KHDRBS2: variants seen among roughly 807,000 people sequenced by gnomAD.
The protein encoded by KHDRBS2 is KH RNA binding domain containing, signal transduction associated 2, also known as KH domain-containing, RNA-binding, signal transduction-associated protein 2.
In KHDRBS2, 26 loss-of-function variants were observed where a neutral mutation model predicts 44.3. That is an observed-to-expected ratio of 0.59 (90% CI 0.43 to 0.81). The LOEUF (loss-of-function observed/expected upper bound fraction) is 0.81, where lower values mean the gene tolerates loss of function less well. KHDRBS2 is among the 40% of genes least tolerant of loss of function. The pLI, the probability that KHDRBS2 is intolerant of heterozygous loss-of-function variation, is 0.00. For missense variants in KHDRBS2, 476 were observed against 433.1 expected (o/e 1.10, Z -0.88); for synonymous variants, 194 against 151.1 (o/e 1.28, Z -2.08).
chr6:61,615,288 G>A, the KHDRBS2 span, among the ~76,000 whole-genome samples: 1 of 145,814 alleles, frequency 6.9e-6, no homozygotes, highest in African/African-American at 2.5e-5. Flanking sequence ...GAAGAAATGA[G>A]TTACTAGTTA....
chr6:61,965,715 C>A (rs1426498305), intron 4 of KHDRBS2, among the ~76,000 whole-genome samples: 2 of 151,712 alleles, frequency 1.3e-5, no homozygotes, highest in African/African-American at 4.8e-5. Context: ...TATGGAGATT[C>A]TGGACTATGG....
chr6:61,990,531 TTC>T (rs1189529815), intron 3 of KHDRBS2, among the ~76,000 whole-genome samples: 1 of 152,130 alleles, frequency 6.6e-6, no homozygotes, highest in African/African-American at 2.4e-5. Flanking sequence ...TCATACAAGC[TTC>T]TAGAAGTAGA....
the KHDRBS2 span, among the ~76,000 whole-genome samples, chr6:61,582,163 G>A: frequency 6.6e-6 from 1 of 151,706 alleles, no homozygotes; most frequent in Non-Finnish European, 1.5e-5. Context: ...GGTAATATGT[G>A]AGCTAAGCAT....
At chr6:61,887,662 G>A (rs1464607010) in intron 6 of KHDRBS2, among the ~76,000 whole-genome samples, 1 of 152,196 alleles carries the variant, frequency 6.6e-6, no homozygotes, top group Non-Finnish European at 1.5e-5. Context: ...GGAGAAAGAA[G>A]TCTGAAGAGT....
the KHDRBS2 span, among the ~76,000 whole-genome samples, chr6:61,558,800 T>C: frequency 1.3e-5 from 2 of 152,230 alleles, no homozygotes; most frequent in Non-Finnish European, 2.9e-5. Flanking sequence ...AATTTCATTA[T>C]TTTTGAATTG....
chr6:61,972,164 T>C (rs1516709), intron 4 of KHDRBS2, among the ~76,000 whole-genome samples: 31,125 of 152,148 alleles, frequency 0.2, 3,436 homozygotes, highest in Admixed American at 0.3. Flanking sequence ...TGTTGACATA[T>C]GATTATTATG....
At chr6:61,601,022 T>C in the KHDRBS2 span, among the ~76,000 whole-genome samples, 1 of 152,164 alleles carries the variant, frequency 6.6e-6, no homozygotes, top group Non-Finnish European at 1.5e-5. Flanking sequence ...GCCTGATTAT[T>C]CACCCACATT....
At chr6:62,005,607 G>C (rs542697523) in intron 3 of KHDRBS2, among the ~76,000 whole-genome samples, 2 of 151,004 alleles carry the variant, frequency 1.3e-5, no homozygotes, top group African/African-American at 4.8e-5. Flanking sequence ...TTAAATAATA[G>C]TAACACTAAA....
intron 2 of KHDRBS2, among the ~76,000 whole-genome samples, chr6:62,149,944 T>G (rs574367516): frequency 6.6e-6 from 1 of 152,300 alleles, no homozygotes; most frequent in South Asian, 2.1e-4. Flanking sequence ...CTCCTTTTTT[T>G]TCATGTGTGA....
intron 4 of KHDRBS2, among the ~76,000 whole-genome samples, chr6:61,940,687 C>T (rs185014244): frequency 3.7e-4 from 56 of 152,236 alleles, no homozygotes; most frequent in African/African-American, 9.6e-4. Flanking sequence ...TGTCCTGGAG[C>T]CCAGTGATGC....
At chr6:61,692,769 C>T (rs2127542311) in intron 8 of KHDRBS2, among the ~76,000 whole-genome samples, 1 of 152,178 alleles carries the variant, frequency 6.6e-6, no homozygotes, top group South Asian at 2.1e-4. Context: ...CAGAACCCTG[C>T]CATTCGGGAG....
chr6:61,649,077 G>C, the KHDRBS2 span, among the ~76,000 whole-genome samples: 1 of 152,136 alleles, frequency 6.6e-6, no homozygotes, highest in African/African-American at 2.4e-5. Context: ...TCACGTGGAG[G>C]AAGTCCTTCA....
intron 1 of KHDRBS2, among the ~76,000 whole-genome samples, chr6:62,210,045 C>T (rs1048514249): frequency 9.9e-5 from 15 of 152,038 alleles, no homozygotes; most frequent in African/African-American, 3.6e-4. Context: ...AATAAACTCC[C>T]CTTCATATAT....
chr6:61,913,114 C>A (rs1310726121), intron 4 of KHDRBS2, among the ~76,000 whole-genome samples: 1 of 152,060 alleles, frequency 6.6e-6, no homozygotes, highest in Non-Finnish European at 1.5e-5. Context: ...TTTTAAAATT[C>A]ATTCTTCAAA....
chr6:61,671,912 A>G, the KHDRBS2 span, among the ~76,000 whole-genome samples: 1 of 151,810 alleles, frequency 6.6e-6, no homozygotes, highest in Admixed American at 6.6e-5. Flanking sequence ...TTAGTTACAT[A>G]TGTATACATG....
chr6:61,901,108 A>G (rs1583414147), intron 5 of KHDRBS2, 136 bp downstream of exon 5: 2 of 795,004 alleles, frequency 2.5e-6, no homozygotes, highest in East Asian at 5.1e-5. Context: ...ATAAGCTTTC[A>G]TCGTTATTGT....
At chr6:62,025,562 T>C (rs1334964084) in intron 3 of KHDRBS2, among the ~76,000 whole-genome samples, 1 of 151,802 alleles carries the variant, frequency 6.6e-6, no homozygotes, top group East Asian at 1.9e-4. Flanking sequence ...CTCAATACCA[T>C]TATCACACAT....
intron 2 of KHDRBS2, among the ~76,000 whole-genome samples, chr6:62,104,754 TA>T (rs1802750316): frequency 6.6e-6 from 1 of 151,902 alleles, no homozygotes; most frequent in African/African-American, 2.4e-5. Context: ...AAGAACAAAT[TA>T]AATATTATCA....
chr6:62,114,088 TCA>T (rs1232632564), intron 2 of KHDRBS2, among the ~76,000 whole-genome samples: 2 of 152,060 alleles, frequency 1.3e-5, no homozygotes, highest in Non-Finnish European at 2.9e-5. Context: ...GAGATCTCAC[TCA>T]CTATCATGAG....
Sources: allele counts gnomAD v4.1 joint callset (sites outside exome capture counted in the v4.1 genomes callset), GRCh38; gene constraint gnomAD v4.1.1; transcripts MANE v1.5; gene names NCBI Gene and HGNC (gene_info 2026-07-23, HGNC 2026-07-21).